Variants in DCBLD2 observed in about 807,000 individuals in gnomAD.
DCBLD2 encodes the protein discoidin, CUB and LCCL domain-containing protein 2.
A neutral mutation model predicts 86.8 loss-of-function variants in DCBLD2; 54 were observed. The observed-to-expected ratio is 0.62, with a 90% CI of 0.50 to 0.78. The LOEUF (loss-of-function observed/expected upper bound fraction) is 0.78. DCBLD2 is among the 30% of genes least tolerant of loss of function. The pLI, the probability that DCBLD2 is intolerant of heterozygous loss-of-function variation, is 0.00. For synonymous variants in DCBLD2, 354 were observed against 341.3 expected, an observed-to-expected ratio of 1.04 and a Z score of -0.41; for missense variants, 908 against 954.2, an observed-to-expected ratio of 0.95 and a Z score of 0.64.
chr3:98,899,919 A>G (rs1324507673), intron 1 of DCBLD2, among the ~76,000 whole-genome samples: 1 of 152,174 alleles, frequency 6.6e-6, no homozygotes, highest in Non-Finnish European at 1.5e-5. Context: ...ATACATCTCT[A>G]CAGTGGAAAG....
intron 2 of DCBLD2, among the ~76,000 whole-genome samples, chr3:98,870,733 AAGAAAAAGAAAGAAAG>A (rs1943250119): frequency 8.8e-6 from 1 of 113,892 alleles, no homozygotes; most frequent in Non-Finnish European, 1.8e-5. Context: ...AAAGAAAAGA[AAGAAAAAGAAAGAAAG>A]AAAGAAAGAA....
chr3:98,870,194 G>A (rs191056567), intron 2 of DCBLD2, among the ~76,000 whole-genome samples: 1 of 152,278 alleles, frequency 6.6e-6, no homozygotes, highest in Non-Finnish European at 1.5e-5. Context: ...AATGAATAGG[G>A]TGTCCTTTCC....
intron 1 of DCBLD2, among the ~76,000 whole-genome samples, chr3:98,886,310 T>C (rs1248106743): frequency 6.6e-6 from 1 of 152,080 alleles, no homozygotes; most frequent in African/African-American, 2.4e-5. Flanking sequence ...GAGCTAACAG[T>C]AATCATCTGT....
intron 1 of DCBLD2, 120 bp from the exon 2 acceptor site, chr3:98,881,887 T>A: frequency 1.0e-6 from 1 of 984,504 alleles, no homozygotes. Flanking sequence ...CACCCATACT[T>A]TCTATTTTAT....
chr3:98,803,408 T>C (rs1287162583), intron 13 of DCBLD2, among the ~76,000 whole-genome samples: 1 of 152,240 alleles, frequency 6.6e-6, no homozygotes, highest in Non-Finnish European at 1.5e-5. Flanking sequence ...TCCTGAGACT[T>C]TGCTGAAGTT....
intron 2 of DCBLD2, among the ~76,000 whole-genome samples, chr3:98,870,741 G>GAAAAAGAAAGAAAGA: frequency 2.1e-5 from 1 of 47,436 alleles, no homozygotes; most frequent in East Asian, 9.6e-4. Context: ...GAAAGAAAAA[G>GAAAAAGAAAGAAAGA]AAAGAAAGAA....
At chr3:98,805,849 C>T (rs1215453348) in intron 13 of DCBLD2, among the ~76,000 whole-genome samples, 1 of 152,172 alleles carries the variant, frequency 6.6e-6, no homozygotes. Context: ...CCCTCACACC[C>T]TGTGCTTTAA....
chr3:98,898,661 T>C (rs749530797), intron 1 of DCBLD2, among the ~76,000 whole-genome samples: 21 of 152,188 alleles, frequency 1.4e-4, no homozygotes, highest in Admixed American at 5.9e-4. Flanking sequence ...ATTCTAAAGG[T>C]GTTTTAAACA....
chr3:98,897,931 C>G (rs1191115527), intron 1 of DCBLD2, among the ~76,000 whole-genome samples: 1 of 152,066 alleles, frequency 6.6e-6, no homozygotes, highest in South Asian at 2.1e-4. Context: ...GACCTAAAAT[C>G]ATAGTAAACC....
chr3:98,818,220 T>G (rs1942057868), intron 8 of DCBLD2, among the ~76,000 whole-genome samples: 1 of 152,194 alleles, frequency 6.6e-6, no homozygotes, highest in Non-Finnish European at 1.5e-5. Flanking sequence ...ATTATTGGTA[T>G]TATTTACAGT....
At chr3:98,870,743 A>AAGAAAGAAAGAAAAAG (rs1943254966) in intron 2 of DCBLD2, among the ~76,000 whole-genome samples, 2 of 82,690 alleles carry the variant, frequency 2.4e-5, no homozygotes, top group Admixed American at 1.2e-4. Flanking sequence ...AAGAAAAAGA[A>AAGAAAGAAAGAAAAAG]AGAAAGAAAG....
chr3:98,898,786 T>TA lies in DCBLD2; in HGVS notation c.205+2335dup, dbSNP rs1006729077. 7.9e-5 allele frequency among the ~76,000 whole-genome samples: 12 copies of TA among 152,308 alleles called. No homozygotes were observed. The South Asian group carries it at 1.4e-3, about 18-fold the overall frequency. On this transcript the variant is annotated intron_variant, in intron 1 of 15. Transcript: ENST00000326840. ...ACGGGCTGCTTTAGGGTCCTTTGAG[T>TA]AAAAAATTTAATTTTTAAAAATGAG...
At chr3:98,893,137 G>A (rs982308987) in intron 1 of DCBLD2, among the ~76,000 whole-genome samples, 1 of 152,070 alleles carries the variant, frequency 6.6e-6, no homozygotes. Flanking sequence ...TATAAAAATG[G>A]AAATTTTAAC....
intron 2 of DCBLD2, among the ~76,000 whole-genome samples, chr3:98,861,261 C>A (rs1263636001): frequency 6.6e-6 from 1 of 151,958 alleles, no homozygotes; most frequent in East Asian, 1.9e-4. Flanking sequence ...CTTAGACTCC[C>A]ACACAATAAT....
chr3:98,878,965 C>T (rs1026345788), intron 2 of DCBLD2, among the ~76,000 whole-genome samples: 2 of 152,180 alleles, frequency 1.3e-5, no homozygotes, highest in Admixed American at 1.3e-4. Context: ...AAAGGACTCT[C>T]AACAAGTAAC....
At chr3:98,818,017 T>G in intron 8 of DCBLD2, 124 bp from the exon 9 acceptor site, 2 of 1,219,294 alleles carry the variant, frequency 1.6e-6, no homozygotes, top group Non-Finnish European at 2.2e-6. Context: ...CATTTCCATA[T>G]CCAAGTGCAC....
At chr3:98,801,868 C>G (rs1466993730) in intron 13 of DCBLD2, 3 of 449,396 alleles carry the variant, frequency 6.7e-6, no homozygotes, top group Non-Finnish European at 1.2e-5. Flanking sequence ...ATCCATGTCA[C>G]TACAAAGGAC....
At chr3:98,891,634 T>A (rs547365311) in intron 1 of DCBLD2, among the ~76,000 whole-genome samples, 32 of 152,110 alleles carry the variant, frequency 2.1e-4, no homozygotes, top group Non-Finnish European at 4.1e-4. Context: ...ATACAAAGGC[T>A]ATCATAATCT....
At chr3:98,832,937 G>A (rs1942349820) in intron 3 of DCBLD2, among the ~76,000 whole-genome samples, 1 of 151,924 alleles carries the variant, frequency 6.6e-6, no homozygotes, top group Admixed American at 6.6e-5. Context: ...AATCTTGCAG[G>A]GGTTCTCTGT....
Sources: gnomAD v4.1 joint callset for allele counts (sites outside exome capture counted in the v4.1 genomes callset) on GRCh38, gnomAD v4.1.1 for gene constraint, MANE v1.5 for transcripts, NCBI Gene and HGNC (gene_info 2026-07-23, HGNC 2026-07-21) for gene names.